KIF17: variants seen among roughly 807,000 people sequenced by gnomAD.
KIF17 encodes kinesin family member 17.
In KIF17, 80 loss-of-function variants were observed where a neutral mutation model predicts 96.8. The ratio of observed to expected loss-of-function variants is 0.83; its 90% CI spans 0.69 to 1.00. KIF17 has a LOEUF of 1.00. Ranked by LOEUF, KIF17 falls within the 50% of genes least tolerant of loss-of-function variation. The pLI, the probability that KIF17 is intolerant of heterozygous loss-of-function variation, is 0.00. For synonymous variants in KIF17, 567 were observed against 587.5 expected (o/e 0.97, Z 0.51); for missense variants, 1,280 against 1,372.9 (o/e 0.93, Z 1.07).
intron 5 of KIF17, among the ~76,000 whole-genome samples, chr1:20,703,311 G>T (rs541772605): frequency 3.3e-5 from 5 of 152,222 alleles, no homozygotes; most frequent in Admixed American, 6.5e-5. Context: ...ATGGAAGAAA[G>T]GATCAGTGGA....
chr1:20,666,410 G>A, intron 13 of KIF17, 79 bp from the exon 14 acceptor site: 1 of 1,134,602 alleles, frequency 8.8e-7, no homozygotes, highest in Non-Finnish European at 1.3e-6. Flanking sequence ...CTGGTATCCT[G>A]GGGCAGTGGG....
At chr1:20,677,294 A>G (rs2154535416) in intron 11 of KIF17, among the ~76,000 whole-genome samples, 1 of 152,356 alleles carries the variant, frequency 6.6e-6, no homozygotes, top group East Asian at 1.9e-4. Flanking sequence ...GAAATGCCAA[A>G]CAATACAATC....
Position 20,709,522 on chromosome 1 carries a change from T to C in KIF17, c.670+117A>G, listed in dbSNP as rs1196707618. On this transcript the variant is annotated intron_variant, in intron 4 of 14. Coordinates refer to ENST00000400463, the MANE Select transcript of KIF17 (RefSeq NM_001122819.3). The surrounding 1 kb of genome is among the most constrained non-coding windows in gnomAD (Gnocchi z 4.7). ...GTCCTCTTGGGTTTCCTCCAGGCTG[T>C]TAGAGCATCTCTTCCCACTTTCCAG... 3 of 1,136,638 alleles carry C rather than the reference T, an allele frequency of 2.6e-6. No individual in the cohort carries two copies. The highest frequency in any genetic ancestry group is 1.5e-5 in the African/African-American group (1 of 65,362). 70.4% of individuals were successfully genotyped at this position (1,136,638 alleles called of 1,614,324 possible).
At chr1:20,677,366 T>G (rs1389604382) in intron 11 of KIF17, among the ~76,000 whole-genome samples, 4 of 152,210 alleles carry the variant, frequency 2.6e-5, no homozygotes, top group African/African-American at 4.8e-5. Context: ...GCATTACCCT[T>G]TGTCCCAGCA....
chr1:20,717,542 G>A lies in KIF17; in HGVS notation c.165C>T (p.Asp55=), dbSNP rs369480851. ...ADEPPKQFTF[D]GAYHVDHVTE... ...TGACGTGGTCCACGTGGTAGGCGCC[G>A]TCGAAGGTGAACTGCTTGGGCGGCT... The change falls in exon 1 of 15, where the codon GAC becomes GAT. Residue 55 remains aspartate (D), a synonymous_variant. Coordinates refer to ENST00000400463, the MANE Select transcript of KIF17 (RefSeq NM_001122819.3). 9.9e-6 allele frequency: 16 copies of A among 1,611,816 alleles called. No homozygotes were observed. In the South Asian group the frequency reaches 1.5e-4, roughly 15 times the overall value.
chr1:20,712,584 ATATATATATC>A (rs1428359268), intron 3 of KIF17, among the ~76,000 whole-genome samples: 527 of 39,840 alleles, frequency 0.013, 122 homozygotes, highest in African/African-American at 0.037. Context: ...AATATTATCT[ATATATATATC>A]TATATATATC....
intron 1 of KIF17, among the ~76,000 whole-genome samples, chr1:20,716,730 C>T (rs1199883232): frequency 6.6e-6 from 1 of 152,204 alleles, no homozygotes; most frequent in African/African-American, 2.4e-5. Flanking sequence ...AAACCCGGTG[C>T]TGTTCCCAAA....
rs1200739290 is a variant in KIF17 at position 20,717,747 on chromosome 1, G to T, written c.-41C>A. On this transcript the variant is annotated 5_prime_UTR_variant, in exon 1 of 15. Coordinates refer to ENST00000400463, the MANE Select transcript of KIF17 (RefSeq NM_001122819.3). ...ACCAACGGGACCAGAGCTGACCCCC[G>T]CCCCGCCGGGGACTCCCAGCAGCCC... 2 of 1,510,172 alleles carry T rather than the reference G, an allele frequency of 1.3e-6. No individual in the cohort carries two copies. The highest frequency in any genetic ancestry group is 2.2e-4 in the Middle Eastern group (1 of 4,526). 93.5% of individuals were successfully genotyped at this position (1,510,172 alleles called of 1,614,324 possible). A position where few individuals can be genotyped will look rare whatever the true frequency, so the allele number is the denominator to read the frequency against.
At chr1:20,712,309 C>A (rs1467748564) in intron 3 of KIF17, among the ~76,000 whole-genome samples, 1 of 151,758 alleles carries the variant, frequency 6.6e-6, no homozygotes, top group Non-Finnish European at 1.5e-5. Flanking sequence ...GTCTCTGCTT[C>A]CCTGTCTGGG....
chr1:20,712,725 T>A (rs1267937033), intron 3 of KIF17, among the ~76,000 whole-genome samples: 59 of 14,516 alleles, frequency 4.1e-3, no homozygotes, highest in East Asian at 0.029. Flanking sequence ...AAAATTATAT[T>A]ATATCTATAT....
chr1:20,662,930 A>G (rs1225726975), downstream of KIF17, among the ~76,000 whole-genome samples: 1 of 152,188 alleles, frequency 6.6e-6, no homozygotes, highest in African/African-American at 2.4e-5. Context: ...TTTGTTCCCC[A>G]TAAAGACCTG....
intron 13 of KIF17, among the ~76,000 whole-genome samples, chr1:20,669,505 T>G (rs1285377068): frequency 2.1e-5 from 3 of 144,250 alleles, no homozygotes; most frequent in Admixed American, 7.0e-5. Context: ...CACTGCACTC[T>G]AGCATGGGCG....
At position 20,715,510 on chromosome 1, in the gene KIF17, C is replaced by T. The variant is rs138024708; in HGVS notation, c.361G>A (p.Val121Met). 130 of 1,613,250 alleles carry T rather than the reference C, an allele frequency of 8.1e-5. 2 individuals are homozygous for T. The South Asian group carries it at 1.2e-3, about 14-fold the overall frequency. Residue 121 changes from valine to methionine, a missense_variant, in exon 2 of 15, where the codon GTG (valine) becomes ATG (methionine). Coordinates refer to ENST00000400463, the MANE Select transcript of KIF17 (RefSeq NM_001122819.3). ...GCCCGTACCTGGACGCTCTCGAACA[C>T]GTGCTCGAAGGCCCTGGGGATGATG... ...RGIIPRAFEH[V>M]FESVQCAENT...
At chr1:20,662,264 G>A (rs3753833), downstream of KIF17, among the ~76,000 whole-genome samples, 29,205 of 152,080 alleles carry the variant, frequency 0.19, 2,921 homozygotes, top group African/African-American at 0.2. Context: ...TAATACAGAG[G>A]CCACCCGGTT....
rs986202996 is a variant in KIF17 at position 20,711,927 on chromosome 1, T to G, written c.480+1527A>C. On this transcript the variant is annotated intron_variant, in intron 3 of 14. Transcript: ENST00000400463. ...TACAAGGAATAGGAACGGTGCCTCCTCCTGGACTGCCAGGAGGTTTACATG... is the reference window on the plus strand; with the variant it reads ...TACAAGGAATAGGAACGGTGCCTCCGCCTGGACTGCCAGGAGGTTTACATG... Among the ~76,000 whole-genome samples, 3 of 152,122 alleles carry G rather than the reference T, an allele frequency of 2.0e-5. No individual in the cohort carries two copies. The East Asian group carries it at 5.8e-4, about 29-fold the overall frequency.
intron 4 of KIF17, among the ~76,000 whole-genome samples, chr1:20,705,226 C>T (rs960485751): frequency 1.3e-5 from 2 of 152,190 alleles, no homozygotes; most frequent in Non-Finnish European, 2.9e-5. Flanking sequence ...CACAGCAGCT[C>T]CCGAAGGCTT....
intron 13 of KIF17, among the ~76,000 whole-genome samples, chr1:20,667,121 G>C (rs548755455): frequency 3.9e-5 from 6 of 152,336 alleles, no homozygotes; most frequent in African/African-American, 7.2e-5. Flanking sequence ...TGGCCTGTTA[G>C]GAACTGGGCT....
At position 20,690,352 on chromosome 1, in the gene KIF17, G is replaced by GGGGGCCC; in HGVS notation, c.1234-18_1234-17insGGGCCCC. On this transcript the variant is annotated splice_polypyrimidine_tract_variant and intron_variant, in intron 6 of 14. Coordinates refer to ENST00000400463, the MANE Select transcript of KIF17 (RefSeq NM_001122819.3). ...TTCATACTCCTGGGGGGGTGGGAGG[G>GGGGGCCC]ACCAGAGGGCAGGCAGCATTTTATC... 4.4e-6 allele frequency: 2 copies of GGGGGCCC among 451,148 alleles called. No homozygotes were observed. The highest frequency in any genetic ancestry group is 8.5e-6 in the Non-Finnish European group (2 of 235,132). The allele number at this position is 451,148 out of a possible 1,614,324, so 27.9% of individuals were successfully genotyped here. A position where few individuals can be genotyped will look rare whatever the true frequency, so the allele number is the denominator to read the frequency against.
At chr1:20,691,886 G>A (rs948136314) in intron 6 of KIF17, among the ~76,000 whole-genome samples, 2 of 152,192 alleles carry the variant, frequency 1.3e-5, no homozygotes, top group Admixed American at 1.3e-4. Flanking sequence ...TCTGCCTAAT[G>A]GTCCTCAACC....
Sources: allele counts gnomAD v4.1 joint callset (sites outside exome capture counted in the v4.1 genomes callset), GRCh38; gene constraint gnomAD v4.1.1; non-coding constraint Gnocchi (gnomAD v3.1); transcripts MANE v1.5; gene names NCBI Gene and HGNC (gene_info 2026-07-23, HGNC 2026-07-21).